The following FRMPD2 variants were observed in gnomAD, a reference collection of about 807,000 sequenced individuals.
FRMPD2 encodes FERM and PDZ domain-containing protein 2.
Under a neutral mutation model 140.1 loss-of-function variants are expected in FRMPD2, and 96 were observed. That is an observed-to-expected ratio of 0.69 (90% CI 0.58 to 0.81). The LOEUF (loss-of-function observed/expected upper bound fraction) is 0.81. Among genes scored for constraint, FRMPD2 ranks in the 40% least tolerant of loss-of-function variants. The pLI is 0.00. For missense variants in FRMPD2, 1,240 were observed against 1,447.4 expected (o/e 0.86, Z 2.32); for synonymous variants, 449 against 547.6 (o/e 0.82, Z 2.52).
At chr10:48,188,912 C>A (rs146671522) in intron 16 of FRMPD2, among the ~76,000 whole-genome samples, 157 of 152,248 alleles carry the variant, frequency 1.0e-3, no homozygotes, top group African/African-American at 3.7e-3. Context: ...AGGAGGAGCA[C>A]GGCAGCGGCC....
intron 1 of FRMPD2, among the ~76,000 whole-genome samples, chr10:48,266,495 G>A (rs557746680): frequency 1.3e-5 from 2 of 152,280 alleles, no homozygotes; most frequent in East Asian, 1.9e-4. Flanking sequence ...AAGAATACAC[G>A]AATAGATTAA....
chr10:48,232,807 T>C (rs1377525778), intron 9 of FRMPD2, among the ~76,000 whole-genome samples: 1 of 152,196 alleles, frequency 6.6e-6, no homozygotes, highest in Non-Finnish European at 1.5e-5. Context: ...ACCTAGACTC[T>C]AGAAATGGGT....
chr10:48,162,178 C>T (rs1238457385), intron 28 of FRMPD2, among the ~76,000 whole-genome samples: 8 of 142,744 alleles, frequency 5.6e-5, no homozygotes, highest in Admixed American at 1.4e-4. Context: ...ACTATAAATA[C>T]ACTTATGTTA....
intron 1 of FRMPD2, among the ~76,000 whole-genome samples, chr10:48,264,333 A>C (rs1840645980): frequency 6.6e-6 from 1 of 152,092 alleles, no homozygotes; most frequent in South Asian, 2.1e-4. Flanking sequence ...AAAGAAATAA[A>C]GTTATCTCTG....
chr10:48,254,976 A>G (rs1014819895), intron 1 of FRMPD2, among the ~76,000 whole-genome samples: 2 of 152,220 alleles, frequency 1.3e-5, no homozygotes, highest in Middle Eastern at 3.2e-3. Context: ...GGTGGGCTGT[A>G]TCATGCACTG....
intron 12 of FRMPD2, among the ~76,000 whole-genome samples, chr10:48,220,385 A>T (rs1839555668): frequency 6.6e-6 from 1 of 152,238 alleles, no homozygotes; most frequent in African/African-American, 2.4e-5. Flanking sequence ...GGCTAGCCAC[A>T]CACAGAAGAA....
At chr10:48,242,868 C>G (rs187456724) in intron 4 of FRMPD2, among the ~76,000 whole-genome samples, 60 of 152,352 alleles carry the variant, frequency 3.9e-4, no homozygotes, top group African/African-American at 1.3e-3. Context: ...GTTGGTTGAA[C>G]TTTATGTCAC....
At chr10:48,266,333 A>G (rs1787093698) in intron 1 of FRMPD2, among the ~76,000 whole-genome samples, 1 of 152,198 alleles carries the variant, frequency 6.6e-6, no homozygotes. Flanking sequence ...GATTTCCCAT[A>G]TAACAAGCCT....
At chr10:48,237,963 G>T (rs765773533) in intron 8 of FRMPD2, 28 bp downstream of exon 8, 1 of 1,613,908 alleles carries the variant, frequency 6.2e-7, no homozygotes, top group Non-Finnish European at 8.5e-7. Flanking sequence ...CCTCCTTGAG[G>T]AGTGTCCTTC....
In FRMPD2 at chr10:48,173,719, G is replaced by T. The variant is rs563935275; in HGVS notation, c.3076-626C>A. Among the ~76,000 whole-genome samples the T allele has an allele frequency of 5.3e-5, 8 of 152,166 alleles. No homozygotes were observed. In the East Asian group the frequency reaches 1.5e-3, roughly 29 times the overall value. On this transcript the variant is annotated intron_variant, in intron 24 of 28. Coordinates refer to ENST00000374201, the MANE Select transcript of FRMPD2 (RefSeq NM_001018071.4). ...TAAGACCCAAACCCATGGCACCCCAGGTCTGTACCACCTGCCCTCCCCTTT... is the reference window on the plus strand; with the variant it reads ...TAAGACCCAAACCCATGGCACCCCATGTCTGTACCACCTGCCCTCCCCTTT...
chr10:48,271,430 C>G (rs1840763549), intron 1 of FRMPD2, among the ~76,000 whole-genome samples: 1 of 152,166 alleles, frequency 6.6e-6, no homozygotes, highest in Non-Finnish European at 1.5e-5. Context: ...ACTGTTTAAC[C>G]CATCTTGAAT....
rs1840385799 is a variant in FRMPD2, at chr10:48,251,654, T to C, written c.63A>G (p.Leu21=). 6.2e-7 allele frequency: 1 copy of C among 1,614,172 alleles called. No individual in the cohort carries two copies. The highest frequency in any genetic ancestry group is 8.5e-7 in the Non-Finnish European group (1 of 1,180,010). The part of the protein sequence containing the change: ...SLSSVTLASA[L]QVRGEALSEE... ...CAGACAGAGCTTCACCCCTGACCTG[T>C]AGGGCGCTGGCCAGCGTCACAGAGG... Residue 21 remains leucine (L), a synonymous_variant, in exon 2 of 29, where the codon CTA becomes CTG. Transcript: ENST00000374201.
rs1032966866 is a variant in FRMPD2 at position 48,187,227 on chromosome 10, G to A, written c.2231C>T (p.Ser744Phe). ...GCTCTGAACAGGTGGTCCAGAGAGA[G>A]AGTCCCAGGTCATTGGCTTCTGGAT... ...CVIQKPMTWD[S>F]LSGPPVQSMH... Residue 744 changes from serine (S) to phenylalanine (F), a missense_variant, in exon 17 of 29, where the codon TCT becomes TTT. Ser to Phe is a radical substitution (Grantham distance 155). This residue lies in a region of FRMPD2 where 1,161 missense variants were observed against 1,055.9 expected (regional missense o/e 1.10). Transcript: ENST00000374201. 4.3e-6 allele frequency: 7 copies of A among 1,613,982 alleles called. No homozygotes were observed. In the African/African-American group the frequency reaches 9.3e-5, roughly 22 times the overall value.
intron 20 of FRMPD2, 70 bp downstream of exon 20, chr10:48,184,496 C>T (rs1336591708): frequency 5.3e-6 from 5 of 941,998 alleles, no homozygotes; most frequent in East Asian, 2.4e-5. Flanking sequence ...AGGTCTAGTA[C>T]CTCACAGTAA....
intron 10 of FRMPD2, among the ~76,000 whole-genome samples, chr10:48,226,309 C>T (rs1839719880): frequency 6.6e-6 from 1 of 152,162 alleles, no homozygotes; most frequent in Non-Finnish European, 1.5e-5. Flanking sequence ...TCTCCAGAAC[C>T]TTCCCTCCCC....
chr10:48,259,301 A>G (rs1272824468), intron 1 of FRMPD2, among the ~76,000 whole-genome samples: 1 of 152,230 alleles, frequency 6.6e-6, no homozygotes, highest in Non-Finnish European at 1.5e-5. Context: ...CCACTTCCAG[A>G]TGAGTAAACT....
Position 48,237,976 on chromosome 10 carries a change from C to T in FRMPD2, c.921+15G>A, listed in dbSNP as rs1030857956. On this transcript the variant is annotated intron_variant, in intron 8 of 28. Coordinates refer to ENST00000374201, the MANE Select transcript of FRMPD2 (RefSeq NM_001018071.4). ...AGCCTCCTTGAGGAGTGTCCTTCAG[C>T]CTTATTTTGCTTACCTTGCTCCTTC... The T allele has an allele frequency of 6.2e-7, 1 of 1,614,128 alleles. No homozygotes were observed. The highest frequency in any genetic ancestry group is 2.2e-5 in the East Asian group (1 of 44,878).
chr10:48,226,750 T>G (rs184662291), intron 10 of FRMPD2, among the ~76,000 whole-genome samples: 1 of 152,378 alleles, frequency 6.6e-6, no homozygotes, highest in Admixed American at 6.5e-5. Context: ...TTTTCACAAT[T>G]AACTGTTTTT....
intron 13 of FRMPD2, among the ~76,000 whole-genome samples, chr10:48,211,045 T>C (rs769028703): frequency 3.9e-5 from 6 of 152,356 alleles, no homozygotes; most frequent in Non-Finnish European, 8.8e-5. Flanking sequence ...CATCTTGACA[T>C]AGAGTAGCTG....
Sources: gnomAD v4.1 joint callset for allele counts (sites outside exome capture counted in the v4.1 genomes callset) on GRCh38, gnomAD v4.1.1 for gene constraint, gnomAD v4.1.1 regional missense constraint, MANE v1.5 for transcripts, NCBI Gene and HGNC (gene_info 2026-07-23, HGNC 2026-07-21) for gene names.